Variants in SLC8A1 observed in about 807,000 individuals in gnomAD.
SLC8A1 encodes the protein sodium/calcium exchanger 1.
In SLC8A1, 18 loss-of-function variants were observed where a neutral mutation model predicts 68.3. The ratio of observed to expected loss-of-function variants is 0.26; its 90% CI spans 0.18 to 0.39. SLC8A1 has a LOEUF of 0.39. Ranked by LOEUF, SLC8A1 falls within the 10% of genes least tolerant of loss-of-function variation. The pLI, the probability that SLC8A1 is intolerant of heterozygous loss-of-function variation, is 1.00. For missense variants in SLC8A1, 985 were observed against 1,156.7 expected (o/e 0.85, Z 2.15); for synonymous variants, 475 against 415.5 (o/e 1.14, Z -1.74).
chr2:40,467,228 G>A (rs1171197909), intron 1 of SLC8A1, among the ~76,000 whole-genome samples: 3 of 152,118 alleles, frequency 2.0e-5, no homozygotes, highest in Admixed American at 2.0e-4. Context: ...CGTGTCCAAA[G>A]ACTCCACTAT....
intron 2 of SLC8A1, among the ~76,000 whole-genome samples, chr2:40,334,818 A>G (rs1231512181): frequency 6.6e-6 from 1 of 152,200 alleles, no homozygotes; most frequent in Admixed American, 6.5e-5. Flanking sequence ...ATATTAAAGA[A>G]GAACTGTTGA....
intron 1 of SLC8A1, among the ~76,000 whole-genome samples, chr2:40,469,856 C>T (rs1004038465): frequency 3.9e-5 from 6 of 152,048 alleles, no homozygotes; most frequent in East Asian, 3.9e-4. Context: ...GTTCAGGTAT[C>T]GTCAACTTGA....
chr2:40,265,343 G>C (rs1349339191), intron 2 of SLC8A1, among the ~76,000 whole-genome samples: 1 of 152,130 alleles, frequency 6.6e-6, no homozygotes, highest in East Asian at 1.9e-4. Context: ...TAAGGCCAAT[G>C]CTTTTGTACT....
At chr2:40,224,342 C>G (rs1558831345) in intron 2 of SLC8A1, among the ~76,000 whole-genome samples, 1 of 152,066 alleles carries the variant, frequency 6.6e-6, no homozygotes. Flanking sequence ...ATAAGATTTG[C>G]TTGGAATCTG....
intron 2 of SLC8A1, among the ~76,000 whole-genome samples, chr2:40,252,369 G>A (rs1385769412): frequency 1.3e-5 from 2 of 151,934 alleles, no homozygotes; most frequent in African/African-American, 4.8e-5. Flanking sequence ...GTCTTGCTCT[G>A]TCACCCAGGC....
At chr2:40,160,787 A>G (rs779291043) in exon 6 of SLC8A1, 12 of 1,613,120 alleles carry the variant, frequency 7.4e-6, no homozygotes, top group Admixed American at 1.7e-5. Flanking sequence ...TGATAGCTTC[A>G]ATGAACTGTT....
chr2:40,367,131 A>G (rs1575744461), intron 2 of SLC8A1, among the ~76,000 whole-genome samples: 1 of 151,980 alleles, frequency 6.6e-6, no homozygotes, highest in Admixed American at 6.6e-5. Context: ...CCAGCCCCCA[A>G]CCTGCCAGTG....
At chr2:40,439,433 AG>A (rs1700074357) in intron 1 of SLC8A1, among the ~76,000 whole-genome samples, 1 of 152,140 alleles carries the variant, frequency 6.6e-6, no homozygotes, top group Non-Finnish European at 1.5e-5. Context: ...TTTAGGGGGC[AG>A]CCCCTACTCT....
chr2:40,141,249 C>T (rs891236504), intron 6 of SLC8A1, among the ~76,000 whole-genome samples: 1 of 152,120 alleles, frequency 6.6e-6, no homozygotes. Context: ...GGTAGGCAAG[C>T]CATTGGGTGC....
chr2:40,195,716 A>T (rs558533000), intron 2 of SLC8A1: 1 of 152,194 alleles, frequency 6.6e-6, no homozygotes, highest in Non-Finnish European at 1.5e-5. Flanking sequence ...ATGATGGGAA[A>T]TGTCTTATAG....
At chr2:40,223,340 G>A (rs1388126592) in intron 2 of SLC8A1, among the ~76,000 whole-genome samples, 2 of 152,164 alleles carry the variant, frequency 1.3e-5, no homozygotes, top group South Asian at 2.1e-4. Flanking sequence ...CACAGGGAGG[G>A]GAACATCACA....
At chr2:40,302,332 T>C (rs1320133604) in intron 2 of SLC8A1, among the ~76,000 whole-genome samples, 1 of 151,778 alleles carries the variant, frequency 6.6e-6, no homozygotes, top group Non-Finnish European at 1.5e-5. Flanking sequence ...TGATCTTTGG[T>C]TTTCTATTCC....
chr2:40,488,905 C>A (rs962378064), intron 1 of SLC8A1, among the ~76,000 whole-genome samples: 3 of 152,114 alleles, frequency 2.0e-5, no homozygotes, highest in Non-Finnish European at 2.9e-5. Flanking sequence ...GAGACTTACA[C>A]TGCTACATGA....
At chr2:40,260,592 G>T (rs894471192) in intron 2 of SLC8A1, among the ~76,000 whole-genome samples, 5 of 152,126 alleles carry the variant, frequency 3.3e-5, no homozygotes, top group Non-Finnish European at 5.9e-5. Flanking sequence ...TATACCCACA[G>T]TCACTGGAGG....
intron 2 of SLC8A1, among the ~76,000 whole-genome samples, chr2:40,400,199 C>G (rs748284154): frequency 3.4e-4 from 52 of 152,118 alleles, no homozygotes; most frequent in African/African-American, 1.2e-3. Context: ...TGCCCCCGGC[C>G]GAATAAACCC....
chr2:40,414,256 C>T (rs1219423961), intron 2 of SLC8A1, among the ~76,000 whole-genome samples: 2 of 152,142 alleles, frequency 1.3e-5, no homozygotes, highest in Non-Finnish European at 2.9e-5. Flanking sequence ...ACTCTGGGAA[C>T]TGTTGAGATT....
intron 2 of SLC8A1, among the ~76,000 whole-genome samples, chr2:40,402,121 G>A (rs1688922973): frequency 6.6e-6 from 1 of 152,094 alleles, no homozygotes; most frequent in Admixed American, 6.6e-5. Flanking sequence ...GAAAGGATGT[G>A]GTAAAGAAGC....
At chr2:40,486,188 T>C in intron 1 of SLC8A1, among the ~76,000 whole-genome samples, 1 of 152,206 alleles carries the variant, frequency 6.6e-6, no homozygotes, top group East Asian at 1.9e-4. Context: ...GCTTCCCTTT[T>C]GCCTTCTGCC....
chr2:40,303,030 T>G (rs908884950), intron 2 of SLC8A1, among the ~76,000 whole-genome samples: 3 of 152,192 alleles, frequency 2.0e-5, no homozygotes, highest in Non-Finnish European at 4.4e-5. Context: ...ATGAGACATT[T>G]TCAATTCTTC....
Sources: gnomAD v4.1 joint callset for allele counts (sites outside exome capture counted in the v4.1 genomes callset) on GRCh38, gnomAD v4.1.1 for gene constraint, MANE v1.5 for transcripts, NCBI Gene and HGNC (gene_info 2026-07-23, HGNC 2026-07-21) for gene names.